Variants in PDZRN4 observed in about 807,000 individuals in gnomAD.
PDZRN4 encodes the protein PDZ domain-containing RING finger protein 4.
Under a neutral mutation model 99.0 loss-of-function variants are expected in PDZRN4, and 70 were observed. The observed-to-expected ratio is 0.71, with a 90% CI of 0.58 to 0.86. The LOEUF (loss-of-function observed/expected upper bound fraction) is 0.86, where lower values mean the gene tolerates loss of function less well. PDZRN4 is among the 40% of genes least tolerant of loss of function. PDZRN4 has a pLI of 0.00. For missense variants in PDZRN4, 1,474 were observed against 1,331.2 expected (o/e 1.11, Z -1.67); for synonymous variants, 551 against 501.6 (o/e 1.10, Z -1.32).
chr12:41,441,529 C>T (rs1286635097), intron 3 of PDZRN4, among the ~76,000 whole-genome samples: 1 of 152,152 alleles, frequency 6.6e-6, no homozygotes, highest in Non-Finnish European at 1.5e-5. Flanking sequence ...CTGTGCTAAG[C>T]ACTTTTCCCT....
At chr12:41,189,474 C>T (rs1434220093) in intron 1 of PDZRN4, among the ~76,000 whole-genome samples, 1 of 152,132 alleles carries the variant, frequency 6.6e-6, no homozygotes, top group Non-Finnish European at 1.5e-5. Context: ...GAAGCAAATC[C>T]GAGAAGGAAA....
At chr12:41,321,644 G>A (rs1366756942) in intron 3 of PDZRN4, among the ~76,000 whole-genome samples, 1 of 151,932 alleles carries the variant, frequency 6.6e-6, no homozygotes, top group African/African-American at 2.4e-5. Flanking sequence ...TGCTTTGTTT[G>A]TTTGTTTTGG....
chr12:41,240,885 T>G (rs1169245812), intron 3 of PDZRN4, among the ~76,000 whole-genome samples: 1 of 152,182 alleles, frequency 6.6e-6, no homozygotes. Flanking sequence ...GGGTTAGGAT[T>G]TCAACATATG....
At chr12:41,434,456 T>C (rs962426922) in intron 3 of PDZRN4, among the ~76,000 whole-genome samples, 2 of 152,224 alleles carry the variant, frequency 1.3e-5, no homozygotes, top group African/African-American at 4.8e-5. Flanking sequence ...TAAGGACTGC[T>C]GGCATGACAG....
At chr12:41,380,819 G>T (rs1952119695) in intron 3 of PDZRN4, among the ~76,000 whole-genome samples, 1 of 151,878 alleles carries the variant, frequency 6.6e-6, no homozygotes, top group Non-Finnish European at 1.5e-5. Context: ...TACCTTATCT[G>T]GTGTTATATA....
intron 3 of PDZRN4, among the ~76,000 whole-genome samples, chr12:41,218,578 C>G (rs964867170): frequency 1.3e-5 from 2 of 151,978 alleles, no homozygotes; most frequent in Non-Finnish European, 2.9e-5. Flanking sequence ...AAAGAGTGTT[C>G]TTTCTAATAA....
intron 3 of PDZRN4, among the ~76,000 whole-genome samples, chr12:41,300,801 A>G (rs201390536): frequency 6.6e-6 from 1 of 151,982 alleles, no homozygotes; most frequent in Non-Finnish European, 1.5e-5. Context: ...GAGCTATTAT[A>G]TCTTCTAAGA....
chr12:41,238,601 G>A (rs976666068), intron 3 of PDZRN4, among the ~76,000 whole-genome samples: 7 of 151,690 alleles, frequency 4.6e-5, no homozygotes, highest in Non-Finnish European at 5.9e-5. Context: ...AGACATACAC[G>A]CAGCCAAAAA....
chr12:41,291,771 G>T (rs912647736), intron 3 of PDZRN4, among the ~76,000 whole-genome samples: 2 of 152,140 alleles, frequency 1.3e-5, no homozygotes, highest in African/African-American at 2.4e-5. Flanking sequence ...GAAACACCAT[G>T]AGGAGGATCT....
intron 3 of PDZRN4, among the ~76,000 whole-genome samples, chr12:41,227,876 T>TACACACAC (rs138441771): frequency 3.2e-4 from 30 of 94,228 alleles, no homozygotes; most frequent in African/African-American, 9.8e-4. Flanking sequence ...AGCAAAAATC[T>TACACACAC]ACACACACAC....
intron 5 of PDZRN4, among the ~76,000 whole-genome samples, chr12:41,516,137 C>T (rs144730996): frequency 2.0e-5 from 3 of 152,154 alleles, no homozygotes; most frequent in African/African-American, 7.2e-5. Flanking sequence ...TGTCCTCCTG[C>T]CATGTACCGC....
At chr12:41,441,731 T>C (rs1952682579) in intron 3 of PDZRN4, among the ~76,000 whole-genome samples, 1 of 152,132 alleles carries the variant, frequency 6.6e-6, no homozygotes, top group South Asian at 2.1e-4. Context: ...CCCCTACTCA[T>C]AGTCTCTTAA....
intron 3 of PDZRN4, among the ~76,000 whole-genome samples, chr12:41,484,705 G>T (rs1445113542): frequency 6.6e-6 from 1 of 152,292 alleles, no homozygotes; most frequent in South Asian, 2.1e-4. Flanking sequence ...CTGTTGCCCA[G>T]ATTTGCTGTA....
At chr12:41,197,920 G>GTTTTGTTT (rs1555215722) in intron 3 of PDZRN4, among the ~76,000 whole-genome samples, 1 of 115,602 alleles carries the variant, frequency 8.7e-6, no homozygotes. Context: ...TTTTTTCTGG[G>GTTTTGTTT]TTTTTTTTTT....
At chr12:41,341,124 T>C (rs927307680) in intron 3 of PDZRN4, among the ~76,000 whole-genome samples, 14 of 151,080 alleles carry the variant, frequency 9.3e-5, no homozygotes, top group Admixed American at 8.6e-4. Flanking sequence ...TTTCAATAGA[T>C]GCAGAGAAAG....
chr12:41,533,768 T>C (rs1938704271), intron 5 of PDZRN4, among the ~76,000 whole-genome samples: 1 of 152,198 alleles, frequency 6.6e-6, no homozygotes. Flanking sequence ...TCATTTTCTA[T>C]CTTTTGTTCT....
At chr12:41,379,251 G>GT (rs57466011) in intron 3 of PDZRN4, among the ~76,000 whole-genome samples, 8,578 of 130,898 alleles carry the variant, frequency 0.066, 288 homozygotes, top group African/African-American at 0.097. Context: ...TCTATTTTCT[G>GT]TTTTTTTTTT....
At chr12:41,254,093 T>C (rs1951188902) in intron 3 of PDZRN4, among the ~76,000 whole-genome samples, 1 of 151,684 alleles carries the variant, frequency 6.6e-6, no homozygotes, top group Non-Finnish European at 1.5e-5. Flanking sequence ...AACTACACAC[T>C]TAAAAATAGT....
intron 3 of PDZRN4, among the ~76,000 whole-genome samples, chr12:41,305,438 C>T (rs890630513): frequency 2.6e-5 from 4 of 151,996 alleles, no homozygotes; most frequent in Non-Finnish European, 5.9e-5. Flanking sequence ...AATAAAATAC[C>T]GTAGATTGAA....
Sources: gnomAD v4.1 joint callset for allele counts (sites outside exome capture counted in the v4.1 genomes callset) on GRCh38, gnomAD v4.1.1 for gene constraint, MANE v1.5 for transcripts, NCBI Gene and HGNC (gene_info 2026-07-23, HGNC 2026-07-21) for gene names.